Variants in ANKRD30A observed in about 807,000 individuals in gnomAD.
ANKRD30A encodes ankyrin repeat domain 30A, also known as ankyrin repeat domain-containing protein 30A.
A neutral mutation model predicts 166.3 loss-of-function variants in ANKRD30A; 170 were observed. That is an observed-to-expected ratio of 1.02 (90% CI 0.90 to 1.16). ANKRD30A has a LOEUF of 1.16. ANKRD30A is among the 50% of genes most tolerant of loss of function. The pLI is 0.00. For synonymous variants in ANKRD30A, 564 were observed against 508.9 expected (o/e 1.11, Z -1.46); for missense variants, 1,630 against 1,518.0 (o/e 1.07, Z -1.23).
chr10:37,142,188 G>A lies in ANKRD30A; in HGVS notation c.1291G>A (p.Val431Met), dbSNP rs373496322. 2.7e-5 allele frequency: 44 copies of A among 1,613,832 alleles called. No homozygotes were observed. Among genetic ancestry groups the A allele is most frequent in the Non-Finnish European group, 3.2e-5 (38 of 1,180,018 alleles). The change falls in exon 7 of 36, where the codon GTG becomes ATG. Residue 431 changes from valine (V) to methionine (M), a missense_variant. Coordinates refer to ENST00000361713, the MANE Select transcript of ANKRD30A (RefSeq NM_052997.3). ...AGAAACACCTGTAAAGACTGGATGC[G>A]TGGCAAGAGTAACATCTAATAAAAC... ...KKETPVKTGC[V>M]ARVTSNKTKV...
At chr10:37,246,784 G>A in the ANKRD30A span, among the ~76,000 whole-genome samples, 1 of 152,298 alleles carries the variant, frequency 6.6e-6, no homozygotes, top group East Asian at 1.9e-4. Flanking sequence ...TGGATGGGAT[G>A]ATTCTTTGTG....
intron 31 of ANKRD30A, among the ~76,000 whole-genome samples, chr10:37,206,848 C>A (rs1842021586): frequency 1.3e-5 from 2 of 151,402 alleles, no homozygotes; most frequent in Non-Finnish European, 2.9e-5. Context: ...CATGATAAAT[C>A]AGACTGATTT....
chr10:37,154,012 T>C (rs1337872710), intron 13 of ANKRD30A, among the ~76,000 whole-genome samples: 1 of 152,122 alleles, frequency 6.6e-6, no homozygotes, highest in African/African-American at 2.4e-5. Context: ...TAGTGGAGGA[T>C]GATAAAATGA....
intron 6 of ANKRD30A, among the ~76,000 whole-genome samples, chr10:37,138,175 T>A: frequency 6.6e-6 from 1 of 152,040 alleles, no homozygotes; most frequent in Non-Finnish European, 1.5e-5. Flanking sequence ...ATCCTGACTG[T>A]TAGAAGGAAA....
Position 37,216,318 on chromosome 10 carries a change from C to T in ANKRD30A, c.3007C>T (p.Leu1003=), listed in dbSNP as rs774743435. The change falls in exon 32 of 36, where the codon CTG becomes TTG. Residue 1003 remains leucine, a synonymous_variant. Transcript: ENST00000361713. ...GAAGTTTTGTGTACTGAAAAAGAAA[C>T]TGTCAGAAGCAAAAGAAATAAAATC... ...KKKFCVLKKK[L]SEAKEIKSQL... is the part of the protein sequence containing the mutation. The T allele has an allele frequency of 5.6e-6, 9 of 1,608,464 alleles. No homozygotes were observed. The Admixed American group carries it at 1.2e-4, about 21-fold the overall frequency.
chr10:37,202,018 A>C (rs1841656866), intron 31 of ANKRD30A, among the ~76,000 whole-genome samples: 1 of 152,116 alleles, frequency 6.6e-6, no homozygotes, highest in Admixed American at 6.6e-5. Context: ...TGCATTTTTA[A>C]AAAGTTCTCA....
the ANKRD30A span, among the ~76,000 whole-genome samples, chr10:37,252,332 C>T: frequency 6.6e-6 from 1 of 152,146 alleles, no homozygotes; most frequent in African/African-American, 2.4e-5. Context: ...GCAACTAGGC[C>T]TTTCAACAGT....
Position 37,166,655 on chromosome 10 carries a change from G to T in ANKRD30A, c.2115G>T (p.Ala705=), listed in dbSNP as rs41276132. ...SQKDVCLPKA[A]HQKEIDKING... ...AGGATGTGTGTTTACCCAAGGCTGCGCATCAAAAAGAAATAGATAAAATAA... is the reference window on the plus strand; with the variant it reads ...AGGATGTGTGTTTACCCAAGGCTGCTCATCAAAAAGAAATAGATAAAATAA... The change falls in exon 19 of 36, where the codon GCG becomes GCT. Residue 705 remains alanine (A), a synonymous_variant. Coordinates refer to ENST00000361713, the MANE Select transcript of ANKRD30A (RefSeq NM_052997.3). 3 of 1,492,522 alleles carry T rather than the reference G, an allele frequency of 2.0e-6. No individual in the cohort carries two copies. Among genetic ancestry groups the T allele is most frequent in the Non-Finnish European group, 1.8e-6 (2 of 1,104,412 alleles). 92.5% of individuals were successfully genotyped at this position (1,492,522 alleles called of 1,614,324 possible).
chr10:37,193,201 A>C lies in ANKRD30A; in HGVS notation c.2557A>C (p.Lys853Gln), dbSNP rs1840749026. The C allele has an allele frequency of 1.2e-6, 2 of 1,611,986 alleles. No individual in the cohort carries two copies. Among genetic ancestry groups the C allele is most frequent in the Non-Finnish European group, 8.5e-7 (1 of 1,179,334 alleles). Residue 853 changes from lysine (K) to glutamine (Q), a missense_variant, in exon 27 of 36, where the codon AAA becomes CAA. By Grantham distance (53) the Lys-to-Gln change is moderately conservative (BLOSUM62 1). Coordinates refer to ENST00000361713, the MANE Select transcript of ANKRD30A (RefSeq NM_052997.3). Reference sequence around the variant, plus strand: ...ACCCATTTAGGCTCCCTGCAGAATGAAAGTTTCTATTCCAACTAAAGCCTT... The same window carrying C: ...ACCCATTTAGGCTCCCTGCAGAATGCAAGTTTCTATTCCAACTAAAGCCTT... ...DGFLKAPCRM[K>Q]VSIPTKALEL...
chr10:37,251,106 C>G, the ANKRD30A span, among the ~76,000 whole-genome samples: 4 of 152,130 alleles, frequency 2.6e-5, no homozygotes, highest in South Asian at 8.3e-4. Context: ...AGGAGAGTCA[C>G]CTGGTAAGAT....
chr10:37,262,451 A>G, the ANKRD30A span: 1 of 154,880 alleles, frequency 6.5e-6, no homozygotes, highest in Non-Finnish European at 1.5e-5. Context: ...ACTCAGAATA[A>G]TGTTTTTTCA....
intron 29 of ANKRD30A, among the ~76,000 whole-genome samples, chr10:37,197,875 T>A (rs1386426851): frequency 6.6e-6 from 1 of 152,118 alleles, no homozygotes; most frequent in Non-Finnish European, 1.5e-5. Context: ...GTGTTTTAAC[T>A]TGAATTACCT....
chr10:37,148,700 A>G (rs527404982), intron 9 of ANKRD30A, among the ~76,000 whole-genome samples: 1 of 152,172 alleles, frequency 6.6e-6, no homozygotes, highest in East Asian at 1.9e-4. Flanking sequence ...TTAGGTTTCT[A>G]TGTTACAATC....
chr10:37,263,625 C>T, the ANKRD30A span, among the ~76,000 whole-genome samples: 1 of 152,028 alleles, frequency 6.6e-6, no homozygotes, highest in Non-Finnish European at 1.5e-5. Context: ...GAATCTAATG[C>T]CACTGCTGAT....
chr10:37,179,343 C>T (rs1341436821), intron 24 of ANKRD30A, among the ~76,000 whole-genome samples: 26 of 150,978 alleles, frequency 1.7e-4, no homozygotes, highest in Non-Finnish European at 3.9e-4. Context: ...TCTGTTGTAA[C>T]TAAATTTAAA....
intron 24 of ANKRD30A, among the ~76,000 whole-genome samples, chr10:37,177,378 T>TA (rs1839811954): frequency 6.6e-6 from 1 of 151,842 alleles, no homozygotes; most frequent in African/African-American, 2.4e-5. Flanking sequence ...TTAAGAGAGA[T>TA]ACTTTTTGAA....
At position 37,142,091 on chromosome 10, in the gene ANKRD30A, C is replaced by G; in HGVS notation, c.1194C>G (p.Pro398=). Residue 398 remains proline, a synonymous_variant, in exon 7 of 36, where the codon CCC becomes CCG. Coordinates refer to ENST00000361713, the MANE Select transcript of ANKRD30A (RefSeq NM_052997.3). ...KEDTPREIMS[P]AKETSEKFTW... is the part of the protein sequence containing the mutation. ...ACACACCTAGGGAAATTATGAGTCC[C>G]GCAAAAGAAACATCTGAGAAATTTA... is the stretch of plus-strand genomic sequence containing the variant. 1 of 1,608,046 alleles carries G rather than the reference C, an allele frequency of 6.2e-7. No homozygotes were observed. The highest frequency in any genetic ancestry group is 8.5e-7 in the Non-Finnish European group (1 of 1,178,282).
chr10:37,264,549 G>T, the ANKRD30A span: 1 of 465,472 alleles, frequency 2.1e-6, no homozygotes, highest in South Asian at 4.5e-5. Context: ...CTGGCTGTCT[G>T]GGGAAGCATG....
At chr10:37,199,507 T>A (rs916089323) in intron 29 of ANKRD30A, among the ~76,000 whole-genome samples, 28 of 152,068 alleles carry the variant, frequency 1.8e-4, no homozygotes, top group Admixed American at 1.8e-3. Context: ...CAAATTTATA[T>A]TTTTGTGCAT....
Sources: allele counts gnomAD v4.1 joint callset (sites outside exome capture counted in the v4.1 genomes callset), GRCh38; gene constraint gnomAD v4.1.1; transcripts MANE v1.5; gene names NCBI Gene and HGNC (gene_info 2026-07-23, HGNC 2026-07-21).